Variants in EPB41 observed in about 807,000 individuals in gnomAD.
EPB41 encodes protein 4.1.
In EPB41, 65 loss-of-function variants were observed where a neutral mutation model predicts 108.0. The observed-to-expected ratio is 0.60, with a 90% confidence interval of 0.49 to 0.74. EPB41 has a LOEUF of 0.74. Among genes scored for constraint, EPB41 ranks in the 30% least tolerant of loss-of-function variants. EPB41 has a pLI of 0.00. For missense variants in EPB41, 875 were observed against 1,037.0 expected, an observed-to-expected ratio of 0.84 and a Z score of 2.15; for synonymous variants, 336 against 358.9, an observed-to-expected ratio of 0.94 and a Z score of 0.72.
chr1:28,906,527 G>T (rs915104302), intron 1 of EPB41, among the ~76,000 whole-genome samples: 1 of 152,194 alleles, frequency 6.6e-6, no homozygotes, highest in Non-Finnish European at 1.5e-5. Context: ...AAGAGAATAG[G>T]GTTGGAGAGG....
chr1:28,993,208 A>C, intron 2 of EPB41, 122 bp from the exon 3 acceptor site: 1 of 785,588 alleles, frequency 1.3e-6, no homozygotes, highest in Middle Eastern at 3.8e-4. Context: ...ATTTAATATT[A>C]ATGTCACCTA....
At chr1:28,997,623 A>G (rs572849421) in intron 4 of EPB41, among the ~76,000 whole-genome samples, 21 of 152,184 alleles carry the variant, frequency 1.4e-4, no homozygotes, top group African/African-American at 2.2e-4. Flanking sequence ...AACTTAATAT[A>G]TTATGCAATT....
chr1:28,925,374 G>T (rs2093387274), intron 1 of EPB41, among the ~76,000 whole-genome samples: 1 of 152,108 alleles, frequency 6.6e-6, no homozygotes, highest in Non-Finnish European at 1.5e-5. Flanking sequence ...GCCTCCTAAA[G>T]TGTTGGGATT....
chr1:28,887,772 C>A lies in EPB41; in HGVS notation c.-8+562C>A, dbSNP rs985048317. The A allele has an allele frequency of 5.2e-6, 4 of 772,396 alleles. No individual in the cohort carries two copies. In the South Asian group the frequency reaches 2.3e-4, roughly 45 times the overall value. The allele number at this position is 772,396 out of a possible 1,614,324, so 47.8% of individuals were successfully genotyped here. A position where few individuals can be genotyped will look rare whatever the true frequency, so the allele number is the denominator to read the frequency against. ...GCGCCGGCTGTGCCCGCCAGGGTGG[C>A]CCCCCCGGCCGTCGCGCCAGCCCCA... On this transcript the variant is annotated intron_variant, in intron 1 of 16. Coordinates refer to the EPB41 transcript ENST00000347529. This position sits in a 1 kb window ranked among gnomAD's most constrained non-coding sequence, Gnocchi z 4.9.
intron 1 of EPB41, among the ~76,000 whole-genome samples, chr1:28,937,537 GGCATGGGCC>G (rs2094091104): frequency 6.6e-6 from 1 of 152,160 alleles, no homozygotes; most frequent in Non-Finnish European, 1.5e-5. Flanking sequence ...TGGGATGACA[GGCATGGGCC>G]ACCATGCTCG....
In EPB41 at chr1:29,058,634, G is replaced by A; in HGVS notation, c.1891G>A (p.Asp631Asn). ...GGTGACAGTACCCACCTCAAATGGT[G>A]ACCAAACACAGGTTTGTGCCAATAG... The part of the protein sequence containing the change: ...IEVTVPTSNG[D>N]QTQKLAEKTE... The change falls in exon 13 of 21, where the codon GAC (aspartate) becomes AAC (asparagine). Residue 631 changes from aspartate (D) to asparagine (N), a missense_variant. By Grantham distance (23) the Asp-to-Asn change is conservative. Around this residue, in one of 3 missense-constraint regions of EPB41, gnomAD observed 519 missense variants for 627.3 expected, o/e 0.83. Transcript: ENST00000343067. 1 of 1,613,750 alleles carries A rather than the reference G, an allele frequency of 6.2e-7. No individual in the cohort carries two copies.
chr1:28,931,834 A>C (rs369995192), intron 1 of EPB41, among the ~76,000 whole-genome samples: 29 of 152,030 alleles, frequency 1.9e-4, no homozygotes, highest in African/African-American at 6.3e-4. Flanking sequence ...GCGCCCGACC[A>C]ATGACTTTGT....
rs1367851223 is a variant in EPB41 at position 29,058,640 on chromosome 1, A to C, written c.1897A>C (p.Thr633Pro). 6.2e-7 allele frequency: 1 copy of C among 1,613,468 alleles called. No individual in the cohort carries two copies. The highest frequency in any genetic ancestry group is 1.7e-5 in the Admixed American group (1 of 59,956). The change falls in exon 13 of 21, where the codon ACA (threonine) becomes CCA (proline). Residue 633 changes from threonine to proline, a missense_variant. Physicochemically the swap from Thr to Pro is conservative, Grantham distance 38. This residue lies in a region of EPB41 where 519 missense variants were observed against 627.3 expected (regional missense o/e 0.83). Coordinates refer to ENST00000343067, the MANE Select transcript of EPB41 (RefSeq NM_001376013.1). ...AGTACCCACCTCAAATGGTGACCAA[A>C]CACAGGTTTGTGCCAATAGGCCACT... ...VTVPTSNGDQ[T>P]QKLAEKTEDL...
At chr1:29,088,434 C>G (rs555046599) in intron 16 of EPB41, among the ~76,000 whole-genome samples, 2 of 152,124 alleles carry the variant, frequency 1.3e-5, no homozygotes, top group South Asian at 4.1e-4. Flanking sequence ...CTCAGCTTTG[C>G]CTTTTTGTCA....
At chr1:29,092,504 T>C (rs1661631193) in intron 16 of EPB41, among the ~76,000 whole-genome samples, 1 of 152,222 alleles carries the variant, frequency 6.6e-6, no homozygotes, top group Admixed American at 6.5e-5. Flanking sequence ...GGTGAGCACA[T>C]GCAGATGTCA....
rs910292122 is a variant in EPB41, at chr1:29,096,224, G to A, written c.2185-1583G>A. 9 of 985,738 alleles carry A rather than the reference G, an allele frequency of 9.1e-6. No individual in the cohort carries two copies. In the African/African-American group the frequency reaches 1.4e-4, roughly 15 times the overall value. 61.1% of individuals were successfully genotyped at this position (985,738 alleles called of 1,614,324 possible). A position where few individuals can be genotyped will look rare whatever the true frequency, so the allele number is the denominator to read the frequency against. Reference sequence around the variant, plus strand: ...GGGGCCATCTACTAACCCTGACTCTGAATGGGAGGGTCCCAAGCATTCGGT... The same window carrying A: ...GGGGCCATCTACTAACCCTGACTCTAAATGGGAGGGTCCCAAGCATTCGGT... On this transcript the variant is annotated intron_variant, in intron 16 of 20. Coordinates refer to ENST00000343067, the MANE Select transcript of EPB41 (RefSeq NM_001376013.1).
At position 29,088,980 on chromosome 1, in the gene EPB41, A is replaced by T. The variant is rs148581413; in HGVS notation, c.2185-8827A>T. Among the ~76,000 whole-genome samples the T allele has an allele frequency of 4.2e-3, 643 of 152,204 alleles. 5 individuals carry two copies. Among genetic ancestry groups the T allele is most frequent in the African/African-American group, 0.015 (610 of 41,530 alleles). ...TATATACATAAGTAAAATAAATAGGACATGTGCTTTGGTCCTACTTGAAAT... is the reference window on the plus strand; with the variant it reads ...TATATACATAAGTAAAATAAATAGGTCATGTGCTTTGGTCCTACTTGAAAT... On this transcript the variant is annotated intron_variant, in intron 16 of 20. Coordinates refer to ENST00000343067, the MANE Select transcript of EPB41 (RefSeq NM_001376013.1).
At chr1:28,964,312 T>A (rs1161605359) in intron 1 of EPB41, among the ~76,000 whole-genome samples, 1 of 152,066 alleles carries the variant, frequency 6.6e-6, no homozygotes, top group Non-Finnish European at 1.5e-5. Flanking sequence ...GATGTGGTGG[T>A]GCGCCTGTAG....
intron 16 of EPB41, chr1:29,069,198 C>G (rs901426306): frequency 1.6e-6 from 2 of 1,231,368 alleles, no homozygotes; most frequent in Non-Finnish European, 2.0e-6. Flanking sequence ...ATACATATCA[C>G]TTAGGGGTGT....
At chr1:28,951,361 T>TACACACACAC (rs58546363) in intron 1 of EPB41, among the ~76,000 whole-genome samples, 10 of 143,038 alleles carry the variant, frequency 7.0e-5, no homozygotes, top group African/African-American at 2.6e-4. Context: ...CCCTGTGTCT[T>TACACACACAC]ACACACACAC....
intron 1 of EPB41, among the ~76,000 whole-genome samples, chr1:28,940,085 C>T (rs2094211877): frequency 6.6e-6 from 1 of 152,086 alleles, no homozygotes; most frequent in Non-Finnish European, 1.5e-5. Flanking sequence ...GAAGGCTGGT[C>T]CTCATTCATG....
intron 4 of EPB41, among the ~76,000 whole-genome samples, chr1:29,002,444 C>G (rs1191925728): frequency 6.7e-6 from 1 of 149,432 alleles, no homozygotes; most frequent in Non-Finnish European, 1.5e-5. Context: ...GGATAAGACC[C>G]TACCTCAAAA....
In EPB41 at chr1:29,018,341, C is replaced by A; in HGVS notation, c.1023C>A (p.Asp341Glu). 6.2e-7 allele frequency: 1 copy of A among 1,614,172 alleles called. No homozygotes were observed. Residue 341 changes from aspartate (D) to glutamate (E), a missense_variant, in exon 7 of 21, where the codon GAC (aspartate) becomes GAA (glutamate). Coordinates refer to ENST00000343067, the MANE Select transcript of EPB41 (RefSeq NM_001376013.1). The surrounding 1 kb of genome is among the most constrained non-coding windows in gnomAD (Gnocchi z 4.4). ...TCCAGTCTGAACTGGGAGACTACGA[C>A]CCAGAACTCCATGGCGTGGATTATG... is the stretch of plus-strand genomic sequence containing the variant. ...YTIQSELGDYDPELHGVDYVS... is the reference protein window; with the variant it reads ...YTIQSELGDYEPELHGVDYVS...
At chr1:29,102,190 A>C (rs1410964771) in intron 17 of EPB41, among the ~76,000 whole-genome samples, 6 of 152,202 alleles carry the variant, frequency 3.9e-5, no homozygotes, top group Admixed American at 3.9e-4. Context: ...AAACAAGCTA[A>C]ATGTCCATCA....
Sources: gnomAD v4.1 joint callset for allele counts (sites outside exome capture counted in the v4.1 genomes callset) on GRCh38, gnomAD v4.1.1 for gene constraint, gnomAD v4.1.1 regional missense constraint, Gnocchi (gnomAD v3.1) non-coding constraint, MANE v1.5 for transcripts, NCBI Gene and HGNC (gene_info 2026-07-23, HGNC 2026-07-21) for gene names.